Variants in IL7 observed in about 807,000 individuals in gnomAD.
IL7 encodes the protein interleukin 7, also known as interleukin-7.
In IL7, 3 loss-of-function variants were observed where a neutral mutation model predicts 21.6. The observed-to-expected ratio is 0.14, with a 90% CI of 0.06 to 0.36. IL7 has a LOEUF of 0.36. Among genes scored for constraint, IL7 ranks in the 10% least tolerant of loss-of-function variants. The pLI is 1.00. For synonymous variants in IL7, 62 were observed against 68.1 expected, an observed-to-expected ratio of 0.91 and a Z score of 0.44; for missense variants, 175 against 200.2, an observed-to-expected ratio of 0.87 and a Z score of 0.76.
At chr8:78,715,326 C>T, downstream of IL7, 1 of 1,610,278 alleles carries the variant, frequency 6.2e-7, no homozygotes, top group Non-Finnish European at 8.5e-7. Flanking sequence ...GCTACATAGC[C>T]AGGTATGTTT....
At chr8:78,775,600 A>AT (rs1168014548) in intron 2 of IL7, among the ~76,000 whole-genome samples, 1 of 152,256 alleles carries the variant, frequency 6.6e-6, no homozygotes, top group East Asian at 1.9e-4. Context: ...CCAACATCTC[A>AT]TAGCCAAAGG....
chr8:78,805,224 G>T lies in IL7; in HGVS notation c.-302C>A. On this transcript the variant is annotated 5_prime_UTR_variant, in exon 1 of 6. Transcript: ENST00000263851. Reference sequence around the variant, plus strand: ...GCTTGGTCTGCAGGTTCAATCTTTGGGATCATCAGCATGGAATCTTCATTA... The same window carrying T: ...GCTTGGTCTGCAGGTTCAATCTTTGTGATCATCAGCATGGAATCTTCATTA... 2.9e-6 allele frequency: 1 copy of T among 341,552 alleles called. No homozygotes were observed. 21.2% of individuals were successfully genotyped at this position (341,552 alleles called of 1,614,324 possible). A position where few individuals can be genotyped will look rare whatever the true frequency, so the allele number is the denominator to read the frequency against.
intron 2 of IL7, among the ~76,000 whole-genome samples, chr8:78,777,987 C>A (rs1813188491): frequency 6.6e-6 from 1 of 152,018 alleles, no homozygotes; most frequent in South Asian, 2.1e-4. Flanking sequence ...ACATCCAAAT[C>A]TCCTCTAGAG....
At chr8:78,709,468 G>A (rs1341511041) in intron 3 of IL7, among the ~76,000 whole-genome samples, 4 of 152,024 alleles carry the variant, frequency 2.6e-5, no homozygotes, top group African/African-American at 9.7e-5. Context: ...TAGAATTCCA[G>A]ACCTCGGTTT....
At chr8:78,677,338 T>A (rs1189925459) in intron 4 of IL7, among the ~76,000 whole-genome samples, 2 of 150,076 alleles carry the variant, frequency 1.3e-5, no homozygotes, top group Admixed American at 1.3e-4. Context: ...AATAAATGAA[T>A]GAATGGACAA....
At chr8:78,773,813 G>A (rs1156557175) in intron 2 of IL7, among the ~76,000 whole-genome samples, 2 of 152,116 alleles carry the variant, frequency 1.3e-5, no homozygotes, top group African/African-American at 4.8e-5. Flanking sequence ...AGCCAATTAG[G>A]TAGAGGGTAG....
At chr8:78,782,193 A>T (rs907593763) in intron 2 of IL7, among the ~76,000 whole-genome samples, 2 of 152,100 alleles carry the variant, frequency 1.3e-5, no homozygotes, top group African/African-American at 2.4e-5. Flanking sequence ...ATTATTACCC[A>T]CCTTCTGAAG....
At chr8:78,688,242 T>A (rs1480151903) in intron 3 of IL7, among the ~76,000 whole-genome samples, 1 of 152,066 alleles carries the variant, frequency 6.6e-6, no homozygotes, top group Non-Finnish European at 1.5e-5. Flanking sequence ...TATTGTGTCT[T>A]AACTCTACAT....
chr8:78,772,183 C>A (rs1292843353), intron 2 of IL7, among the ~76,000 whole-genome samples: 1 of 152,036 alleles, frequency 6.6e-6, no homozygotes, highest in Non-Finnish European at 1.5e-5. Flanking sequence ...GGTTACAAAG[C>A]CCATGCTTTT....
intron 2 of IL7, among the ~76,000 whole-genome samples, chr8:78,793,896 C>A (rs1450639106): frequency 6.6e-6 from 1 of 152,088 alleles, no homozygotes; most frequent in Admixed American, 6.6e-5. Flanking sequence ...AGCATCTTTA[C>A]TCAAAGTAAA....
chr8:78,796,069 T>C (rs1813843432), intron 2 of IL7, among the ~76,000 whole-genome samples: 1 of 152,034 alleles, frequency 6.6e-6, no homozygotes, highest in Non-Finnish European at 1.5e-5. Flanking sequence ...GAAAAGAGAC[T>C]AATTATCTGT....
intron 2 of IL7, chr8:78,762,463 C>G (rs554061053): frequency 1.3e-6 from 2 of 1,546,396 alleles, no homozygotes; most frequent in African/African-American, 1.4e-5. Context: ...TCCAGCCCTC[C>G]CCTCCCCGCC....
intron 2 of IL7, among the ~76,000 whole-genome samples, chr8:78,771,382 G>A (rs1812948637): frequency 6.6e-6 from 1 of 152,080 alleles, no homozygotes; most frequent in Admixed American, 6.6e-5. Flanking sequence ...AGGCAGTTAA[G>A]ACCTGGGTCT....
rs1360869175 is a variant in IL7, at chr8:78,804,833, A to G, written c.10+80T>C. ...CGGGCTATTCCCGGACTTGCCTAGG[A>G]GCAGGGGCCCCCAGCGCGTCTGGGA... is the stretch of plus-strand genomic sequence containing the variant. On this transcript the variant is annotated intron_variant, in intron 1 of 5. Transcript: ENST00000263851. 21 of 1,550,332 alleles carry G rather than the reference A, an allele frequency of 1.4e-5. No individual in the cohort carries two copies. The East Asian group carries it at 3.9e-4, about 29-fold the overall frequency.
intron 2 of IL7, among the ~76,000 whole-genome samples, chr8:78,770,762 A>G (rs1196358522): frequency 6.6e-6 from 1 of 151,966 alleles, no homozygotes; most frequent in Non-Finnish European, 1.5e-5. Context: ...CAGATACACA[A>G]ATTATTTCCT....
At chr8:78,746,894 C>A in intron 2 of IL7, 1 of 355,610 alleles carries the variant, frequency 2.8e-6, no homozygotes, top group South Asian at 2.2e-5. Context: ...TCATTCTTAC[C>A]CAATTTCTGT....
chr8:78,802,426 T>C lies in IL7; in HGVS notation c.10+2487A>G, dbSNP rs562649124. ...ATGTAGGAAAATTCCTTTCGTATTT[T>C]TCTCTCTCTTTTTTTTTTTTTTGAT... On this transcript the variant is annotated intron_variant, in intron 1 of 5. Coordinates refer to ENST00000263851, the MANE Select transcript of IL7 (RefSeq NM_000880.4). Among the ~76,000 whole-genome samples, 10 of 151,496 alleles carry C rather than the reference T, an allele frequency of 6.6e-5. No individual in the cohort carries two copies. The East Asian group carries it at 1.4e-3, about 20-fold the overall frequency.
chr8:78,767,782 T>C lies in IL7; in HGVS notation c.148-27700A>G, dbSNP rs527632773. On this transcript the variant is annotated intron_variant, in intron 2 of 5. Transcript: ENST00000263851. ...TGGAGTAATCTTTTTTATTTTATTA[T>C]TATTATACTTTAAGTTTTAGGGTAC... is the stretch of plus-strand genomic sequence containing the variant. Among the ~76,000 whole-genome samples the C allele has an allele frequency of 2.4e-4, 36 of 152,274 alleles. 1 individual carries two copies. In the South Asian group the frequency reaches 6.4e-3, roughly 27 times the overall value.
chr8:78,759,064 C>CT (rs1442527659), intron 2 of IL7, among the ~76,000 whole-genome samples: 1 of 150,422 alleles, frequency 6.6e-6, no homozygotes, highest in African/African-American at 2.5e-5. Flanking sequence ...TATTCCCCCC[C>CT]CCACCTTTTT....
Sources: allele counts gnomAD v4.1 joint callset (sites outside exome capture counted in the v4.1 genomes callset), GRCh38; gene constraint gnomAD v4.1.1; transcripts MANE v1.5; gene names NCBI Gene and HGNC (gene_info 2026-07-23, HGNC 2026-07-21).